HTT: variants seen among roughly 807,000 people sequenced by gnomAD.
HTT encodes the protein huntington disease protein.
A neutral mutation model predicts 362.3 loss-of-function variants in HTT; 104 were observed. The observed-to-expected ratio is 0.29, with a 90% CI of 0.24 to 0.34. The LOEUF is 0.34. HTT is among the 10% of genes least tolerant of loss of function. The probability of loss-of-function intolerance (pLI) is 1.00; values close to 1 mark genes in which losing one functional copy is unlikely to be tolerated. For missense variants in HTT, 3,301 were observed against 3,928.6 expected (o/e 0.84, Z 4.27); for synonymous variants, 1,577 against 1,548.7 (o/e 1.02, Z -0.43).
At chr4:3,154,522 A>G (rs1210361420) in intron 27 of HTT, 103 bp downstream of exon 27, 39 of 1,419,518 alleles carry the variant, frequency 2.7e-5, no homozygotes, top group Non-Finnish European at 3.6e-5. Flanking sequence ...AATATAATAC[A>G]CATCAGTAAA....
intron 63 of HTT, 133 bp downstream of exon 63, chr4:3,235,911 T>A: frequency 1.3e-6 from 1 of 791,768 alleles, no homozygotes; most frequent in Non-Finnish European, 2.0e-6. Flanking sequence ...GCCGGCCCCA[T>A]CACCTTGCAA....
At chr4:3,082,917 A>G (rs956168954) in intron 1 of HTT, among the ~76,000 whole-genome samples, 1 of 152,164 alleles carries the variant, frequency 6.6e-6, no homozygotes, top group African/African-American at 2.4e-5. Flanking sequence ...ATGGAGAAAA[A>G]CAACCGAATG....
chr4:3,078,872 C>T (rs1251329715), intron 1 of HTT, among the ~76,000 whole-genome samples: 1 of 152,100 alleles, frequency 6.6e-6, no homozygotes, highest in Non-Finnish European at 1.5e-5. Flanking sequence ...GTAGCTGGGA[C>T]TACAGGCGCC....
chr4:3,131,846 AT>A, intron 16 of HTT, 71 bp downstream of exon 16: 1 of 1,473,656 alleles, frequency 6.8e-7, no homozygotes, highest in Non-Finnish European at 9.3e-7. Context: ...AGTATTGACT[AT>A]TTTAGTTTTA....
chr4:3,230,157 C>G, intron 60 of HTT, 115 bp downstream of exon 60: 1 of 824,816 alleles, frequency 1.2e-6, no homozygotes, highest in Non-Finnish European at 2.0e-6. Flanking sequence ...AAGAGTTGAC[C>G]CGAACCGGAC....
At chr4:3,177,214 A>AT (rs1482328260) in intron 33 of HTT, 118 bp from the exon 34 acceptor site, 2 of 719,792 alleles carry the variant, frequency 2.8e-6, no homozygotes, top group African/African-American at 3.6e-5. Context: ...TTATAGTCAA[A>AT]TTTATCAGCT....
intron 2 of HTT, among the ~76,000 whole-genome samples, chr4:3,088,733 A>C (rs1415849678): frequency 6.6e-6 from 1 of 150,434 alleles, no homozygotes; most frequent in Non-Finnish European, 1.5e-5. Flanking sequence ...TTCCTACAGG[A>C]TTTGTGTTTT....
intron 40 of HTT, among the ~76,000 whole-genome samples, chr4:3,192,706 A>C (rs747995093): frequency 6.6e-6 from 1 of 152,260 alleles, no homozygotes; most frequent in Non-Finnish European, 1.5e-5. Context: ...AACAGAAATG[A>C]TAACAAGTAG....
intron 26 of HTT, among the ~76,000 whole-genome samples, chr4:3,151,351 GGA>G (rs533736597): frequency 7.9e-5 from 12 of 151,068 alleles, no homozygotes; most frequent in Non-Finnish European, 1.5e-4. Flanking sequence ...AAAGAGAGAA[GGA>G]GAGAGAGAGA....
intron 46 of HTT, 101 bp from the exon 47 acceptor site, chr4:3,209,726 G>C: frequency 7.0e-7 from 1 of 1,430,032 alleles, no homozygotes; most frequent in Admixed American, 1.8e-5. Context: ...TCAGCCTAGT[G>C]CGGTGTTCCC....
intron 40 of HTT, among the ~76,000 whole-genome samples, chr4:3,196,880 G>T (rs1326273783): frequency 6.6e-6 from 1 of 152,086 alleles, no homozygotes; most frequent in Non-Finnish European, 1.5e-5. Context: ...AGCACTTCCT[G>T]TGCCCTCCTG....
chr4:3,211,875 G>A, intron 47 of HTT, 54 bp from the exon 48 acceptor site: 2 of 1,297,988 alleles, frequency 1.5e-6, no homozygotes, highest in South Asian at 1.2e-5. Context: ...TTACCTGATT[G>A]AAAGCTCATA....
chr4:3,160,329 C>T lies in HTT; in HGVS notation c.3801C>T (p.Leu1267=), dbSNP rs363099. Residue 1267 remains leucine, a synonymous_variant, in exon 29 of 67, where the codon CTC becomes CTT. Coordinates refer to ENST00000355072, the MANE Select transcript of HTT (RefSeq NM_001388492.1). ...GCACGGAAAAGTTTGGAGGGTTTCT[C>T]CGCTCAGCCTTGGATGTTCTTTCTC... The part of the protein sequence containing the change: ...QNSTEKFGGF[L]RSALDVLSQI... 0.29 allele frequency: 456,997 copies of T among 1,552,978 alleles called. 71,274 individuals are homozygous for T. The highest frequency in any genetic ancestry group is 0.37 in the East Asian group (15,563 of 41,614).
chr4:3,109,425 G>A (rs377366283), intron 6 of HTT, among the ~76,000 whole-genome samples: 22 of 152,078 alleles, frequency 1.4e-4, no homozygotes, highest in South Asian at 1.0e-3. Flanking sequence ...GGGTTTCTCC[G>A]GGTTGGTCAG....
rs200014691 is a variant in HTT at position 3,198,215 on chromosome 4, ATTTTTTT to A, written c.5369-1495_5369-1489del. Among the ~76,000 whole-genome samples the A allele has an allele frequency of 2.6e-4, 16 of 60,382 alleles. 1 individual carries two copies. In the East Asian group the frequency reaches 2.8e-3, roughly 11 times the overall value. The allele number at this position is 60,382 out of a possible 152,430, so 39.6% of individuals were successfully genotyped here. On this transcript the variant is annotated intron_variant, in intron 40 of 66. Transcript: ENST00000355072. ...ACCCTTTCACTTTGGGGATGTGTTGATTTTTTTTTTTTTTTTTTTTTTTTTTTTGAGA... is the reference window on the plus strand; with the variant it reads ...ACCCTTTCACTTTGGGGATGTGTTGATTTTTTTTTTTTTTTTTTTTTGAGA...
Position 3,224,233 on chromosome 4 carries a change from G to A in HTT, c.7765+102G>A. On this transcript the variant is annotated intron_variant, in intron 56 of 66. Coordinates refer to ENST00000355072, the MANE Select transcript of HTT (RefSeq NM_001388492.1). ...AGTGATGCGGGAAGACCTGAGTGTG[G>A]TCTGAGTTGGAGGCTGTGGTGCTAA... 3.9e-6 allele frequency: 5 copies of A among 1,268,136 alleles called. No individual in the cohort carries two copies. In the South Asian group the frequency reaches 5.1e-5, roughly 13 times the overall value. 78.6% of individuals were successfully genotyped at this position (1,268,136 alleles called of 1,614,324 possible).
intron 23 of HTT, among the ~76,000 whole-genome samples, chr4:3,144,357 G>T (rs1355125712): frequency 3.9e-5 from 6 of 152,148 alleles, no homozygotes; most frequent in Non-Finnish European, 8.8e-5. Context: ...TCACTCTGTT[G>T]CCCAGGCTAG....
intron 57 of HTT, among the ~76,000 whole-genome samples, chr4:3,226,597 G>T (rs772091867): frequency 6.6e-6 from 1 of 152,252 alleles, no homozygotes; most frequent in African/African-American, 2.4e-5. Flanking sequence ...CCTCCACCCC[G>T]GTGCTGTGTC....
At chr4:3,147,061 T>A in intron 25 of HTT, 113 bp downstream of exon 25, 1 of 1,042,332 alleles carries the variant, frequency 9.6e-7, no homozygotes, top group Non-Finnish European at 1.5e-6. Flanking sequence ...TTGCCAGTGA[T>A]GGCTTGTCCC....
Sources: allele counts gnomAD v4.1 joint callset (sites outside exome capture counted in the v4.1 genomes callset), GRCh38; gene constraint gnomAD v4.1.1; transcripts MANE v1.5; gene names NCBI Gene and HGNC (gene_info 2026-07-23, HGNC 2026-07-21).